The following PLCZ1 variants were observed in gnomAD, a reference collection of about 807,000 sequenced individuals.
PLCZ1 encodes the protein phospholipase C zeta 1, also known as 1-phosphatidylinositol 4,5-bisphosphate phosphodiesterase zeta-1.
Under a neutral mutation model 76.8 loss-of-function variants are expected in PLCZ1, and 64 were observed. The ratio of observed to expected loss-of-function variants is 0.83; its 90% confidence interval spans 0.68 to 1.03. PLCZ1 has a LOEUF of 1.03. Among genes scored for constraint, PLCZ1 ranks in the 50% least tolerant of loss-of-function variants. The pLI, the probability that PLCZ1 is intolerant of heterozygous loss-of-function variation, is 0.00. For missense variants in PLCZ1, 751 were observed against 713.7 expected, an observed-to-expected ratio of 1.05 and a Z score of -0.60; for synonymous variants, 248 against 230.8, an observed-to-expected ratio of 1.07 and a Z score of -0.68.
At chr12:18,650,714 A>ATATC in the PLCZ1 span, among the ~76,000 whole-genome samples, 2 of 3,588 alleles carry the variant, frequency 5.6e-4, no homozygotes, top group Admixed American at 3.6e-3. Flanking sequence ...GTATATATCT[A>ATATC]TATATATATA....
At chr12:18,701,373 G>T in intron 9 of PLCZ1, 128 bp downstream of exon 9, 1 of 1,488,532 alleles carries the variant, frequency 6.7e-7, no homozygotes, top group South Asian at 1.3e-5. Flanking sequence ...AAAGTAAATT[G>T]TAAATGATAG....
chr12:18,721,774 A>C (rs1374575093), intron 4 of PLCZ1, among the ~76,000 whole-genome samples: 2 of 151,578 alleles, frequency 1.3e-5, no homozygotes, highest in Non-Finnish European at 2.9e-5. Flanking sequence ...ATAGTCGCTT[A>C]GTATTCTTGT....
chr12:18,650,742 A>C, the PLCZ1 span, among the ~76,000 whole-genome samples: 1 of 38,422 alleles, frequency 2.6e-5, no homozygotes, highest in Non-Finnish European at 4.3e-5. Flanking sequence ...ATATATATAT[A>C]TATATATATA....
rs1248422210 is a variant in PLCZ1 at position 18,723,532 on chromosome 12, C to T, written c.146G>A (p.Arg49Lys). The change falls in exon 4 of 15, where the codon AGG becomes AAG. Residue 49 changes from arginine to lysine, a missense_variant. Coordinates refer to ENST00000266505, the MANE Select transcript of PLCZ1 (RefSeq NM_033123.4). Reference sequence around the variant, plus strand: ...TATGGTGATTCTTCCTTGTTTCAGCCTGTCATTGTCCTACTAAAAAAATGA... The same window carrying T: ...TATGGTGATTCTTCCTTGTTTCAGCTTGTCATTGTCCTACTAAAAAAATGA... The part of the protein sequence containing the change: ...HVKQIFKDND[R>K]LKQGRITIEE... 2 of 1,611,640 alleles carry T rather than the reference C, an allele frequency of 1.2e-6. No homozygotes were observed. Among genetic ancestry groups the T allele is most frequent in the South Asian group, 1.1e-5 (1 of 91,034 alleles).
intron 6 of PLCZ1, among the ~76,000 whole-genome samples, chr12:18,705,676 T>C (rs1302574773): frequency 7.1e-6 from 1 of 140,002 alleles, no homozygotes; most frequent in African/African-American, 2.7e-5. Context: ...GGCCAGCTTG[T>C]CCAGCATAGT....
At chr12:18,650,996 T>C in the PLCZ1 span, among the ~76,000 whole-genome samples, 2 of 151,768 alleles carry the variant, frequency 1.3e-5, no homozygotes, top group Non-Finnish European at 2.9e-5. Flanking sequence ...ATTCTTCTGT[T>C]CAAAACTCTG....
the PLCZ1 span, among the ~76,000 whole-genome samples, chr12:18,658,677 G>A: frequency 7.9e-5 from 12 of 151,868 alleles, no homozygotes; most frequent in African/African-American, 2.4e-4. Flanking sequence ...ATACATAACC[G>A]ACCTGTAACT....
chr12:18,648,057 T>C, the PLCZ1 span: 2 of 1,392,714 alleles, frequency 1.4e-6, no homozygotes, highest in Non-Finnish European at 1.9e-6. Context: ...GCATTATTCA[T>C]TAACTACTTG....
At chr12:18,723,766 G>T (rs1958589774) in intron 3 of PLCZ1, among the ~76,000 whole-genome samples, 3 of 152,058 alleles carry the variant, frequency 2.0e-5, no homozygotes, top group Admixed American at 2.0e-4. Flanking sequence ...ATAAAGAAAG[G>T]AATGTGGGAG....
chr12:18,681,271 T>C (rs1405643351), downstream of PLCZ1, among the ~76,000 whole-genome samples: 2 of 152,034 alleles, frequency 1.3e-5, no homozygotes, highest in African/African-American at 4.8e-5. Context: ...TAACCTAATC[T>C]AGCAGAACAC....
chr12:18,712,491 G>A (rs1274177680), intron 6 of PLCZ1, among the ~76,000 whole-genome samples: 2 of 152,068 alleles, frequency 1.3e-5, no homozygotes, highest in African/African-American at 4.8e-5. Context: ...TGTCTTGAAA[G>A]TAAAAGAGTT....
chr12:18,737,053 A>C (rs74380118), intron 2 of PLCZ1, among the ~76,000 whole-genome samples: 3,524 of 152,278 alleles, frequency 0.023, 115 homozygotes, highest in African/African-American at 0.081. Flanking sequence ...GACAATTATC[A>C]CTAAAATTAT....
At chr12:18,687,964 G>T (rs1051478594) in intron 13 of PLCZ1, 125 bp downstream of exon 13, 8 of 1,272,922 alleles carry the variant, frequency 6.3e-6, no homozygotes, top group South Asian at 5.5e-5. Context: ...TGCTAATTTT[G>T]GACATAATGG....
chr12:18,701,830 G>A (rs1399155132), intron 7 of PLCZ1, 54 bp from the exon 8 acceptor site: 1 of 1,550,438 alleles, frequency 6.4e-7, no homozygotes, highest in Admixed American at 1.9e-5. Flanking sequence ...AATTTGCATT[G>A]TAACAGTCAC....
the PLCZ1 span, among the ~76,000 whole-genome samples, chr12:18,661,662 T>A: frequency 6.6e-6 from 1 of 152,054 alleles, no homozygotes; most frequent in Non-Finnish European, 1.5e-5. Context: ...CTGGTGAGGC[T>A]GTGGAGAAAA....
Position 18,699,822 on chromosome 12 carries a change from T to G in PLCZ1, c.1146A>C (p.Thr382=), listed in dbSNP as rs1383104837. Residue 382 remains threonine (T), a synonymous_variant, in exon 10 of 15, where the codon ACA becomes ACC. Transcript: ENST00000266505. ...QFNENNSIGE[T]QARKLSKLRV... ...GCAATTTTGAAAGTTTTCGGGCTTG[T>G]GTCTCCCCAATAGAATTATTTTCAT... 6.2e-7 allele frequency: 1 copy of G among 1,613,610 alleles called. No individual in the cohort carries two copies. The highest frequency in any genetic ancestry group is 1.1e-5 in the South Asian group (1 of 91,080).
At chr12:18,683,657 A>T in intron 14 of PLCZ1, 1 of 1,323,756 alleles carries the variant, frequency 7.6e-7, no homozygotes, top group South Asian at 1.2e-5. Context: ...GCATATTGAG[A>T]CAAGGTAATT....
downstream of PLCZ1, among the ~76,000 whole-genome samples, chr12:18,682,376 C>CTT (rs1295085192): frequency 6.6e-6 from 1 of 151,996 alleles, no homozygotes; most frequent in Non-Finnish European, 1.5e-5. Context: ...AAGTCCCTGA[C>CTT]TTTGTCAAAC....
In PLCZ1 at chr12:18,683,279, T is replaced by A; in HGVS notation, c.1787A>T (p.Glu596Val). The change falls in exon 15 of 15, where the codon GAG (glutamate) becomes GTG (valine). Residue 596 changes from glutamate to valine, a missense_variant. Transcript: ENST00000266505. ...AACATAAACAAACAGTGAAGCAGGC[T>A]CAAGGCTCTCACCCATTCTGGAAAA... ...PLFSRMGESL[E>V]PASLFVYVWY... 6.2e-7 allele frequency: 1 copy of A among 1,612,624 alleles called. No homozygotes were observed. Among genetic ancestry groups the A allele is most frequent in the Non-Finnish European group, 8.5e-7 (1 of 1,179,056 alleles).
Sources: gnomAD v4.1 joint callset for allele counts (sites outside exome capture counted in the v4.1 genomes callset) on GRCh38, gnomAD v4.1.1 for gene constraint, MANE v1.5 for transcripts, NCBI Gene and HGNC (gene_info 2026-07-23, HGNC 2026-07-21) for gene names.